Variants in GRM7 observed in about 807,000 individuals in gnomAD.
The protein encoded by GRM7 is metabotropic glutamate receptor 7.
In GRM7, 35 loss-of-function variants were observed where a neutral mutation model predicts 84.5. The observed-to-expected ratio is 0.41, with a 90% CI of 0.32 to 0.55. The LOEUF is 0.55. Ranked by LOEUF, GRM7 falls within the 20% of genes least tolerant of loss-of-function variation. The pLI is 0.19. For missense variants in GRM7, 1,003 were observed against 1,194.6 expected (o/e 0.84, Z 2.36); for synonymous variants, 487 against 455.1 (o/e 1.07, Z -0.89).
intron 9 of GRM7, among the ~76,000 whole-genome samples, chr3:7,738,997 T>C (rs1702601143): frequency 6.6e-6 from 1 of 152,210 alleles, no homozygotes; most frequent in African/African-American, 2.4e-5. Context: ...GGACATACGG[T>C]GACTCAGTTC....
chr3:7,089,667 T>A (rs1329367059), intron 1 of GRM7, among the ~76,000 whole-genome samples: 3 of 152,154 alleles, frequency 2.0e-5, no homozygotes, highest in Non-Finnish European at 4.4e-5. Flanking sequence ...AAAATGTTGT[T>A]CAAGAGTTTG....
At chr3:7,452,562 GT>G in intron 5 of GRM7, 44 bp from the exon 6 acceptor site, 1 of 612,922 alleles carries the variant, frequency 1.6e-6, no homozygotes, top group Non-Finnish European at 2.8e-6. Context: ...GCCAATTTGT[GT>G]GTGTGTGTGT....
At chr3:7,280,943 G>T (rs1320197620) in intron 2 of GRM7, among the ~76,000 whole-genome samples, 2 of 152,018 alleles carry the variant, frequency 1.3e-5, no homozygotes, top group African/African-American at 4.8e-5. Context: ...AAATGCATGT[G>T]TTTCTAGGGA....
intron 7 of GRM7, among the ~76,000 whole-genome samples, chr3:7,514,603 A>G (rs755632416): frequency 1.1e-4 from 17 of 152,330 alleles, no homozygotes; most frequent in Non-Finnish European, 2.1e-4. Context: ...TCCTGTTTCT[A>G]TCCACCACAG....
chr3:7,134,689 A>G (rs73811613), intron 1 of GRM7, among the ~76,000 whole-genome samples: 2 of 152,150 alleles, frequency 1.3e-5, no homozygotes, highest in African/African-American at 4.8e-5. Context: ...GCAGGAATTC[A>G]GGGATGAGAA....
At chr3:7,212,821 A>T (rs1319994011) in intron 2 of GRM7, among the ~76,000 whole-genome samples, 1 of 152,224 alleles carries the variant, frequency 6.6e-6, no homozygotes, top group Non-Finnish European at 1.5e-5. Flanking sequence ...ACAAATATTT[A>T]TCACATCCTC....
chr3:7,158,187 C>G (rs1215430917), intron 2 of GRM7, among the ~76,000 whole-genome samples: 1 of 152,148 alleles, frequency 6.6e-6, no homozygotes, highest in Non-Finnish European at 1.5e-5. Context: ...AATTGAAATG[C>G]AAACGTAGGT....
intron 5 of GRM7, among the ~76,000 whole-genome samples, chr3:7,439,988 G>C (rs796069875): frequency 2.6e-5 from 4 of 152,308 alleles, no homozygotes; most frequent in African/African-American, 9.6e-5. Context: ...CTGGGATAAA[G>C]TTGCATTGAG....
At chr3:7,431,762 C>T (rs1463352792) in intron 5 of GRM7, among the ~76,000 whole-genome samples, 1 of 152,112 alleles carries the variant, frequency 6.6e-6, no homozygotes, top group Non-Finnish European at 1.5e-5. Context: ...TGAATGTGAA[C>T]TGTTGTTCAC....
At chr3:7,371,184 C>T (rs1028944678) in intron 4 of GRM7, among the ~76,000 whole-genome samples, 1 of 151,964 alleles carries the variant, frequency 6.6e-6, no homozygotes, top group South Asian at 2.1e-4. Flanking sequence ...GATTGCAGAC[C>T]ACAATAGAGT....
At chr3:7,100,107 T>C (rs1699060475) in intron 1 of GRM7, among the ~76,000 whole-genome samples, 1 of 151,344 alleles carries the variant, frequency 6.6e-6, no homozygotes, top group Non-Finnish European at 1.5e-5. Context: ...ACTCACCTCT[T>C]AAATCTTCGA....
chr3:7,120,489 A>G (rs553681663), intron 1 of GRM7, among the ~76,000 whole-genome samples: 4 of 152,290 alleles, frequency 2.6e-5, no homozygotes, highest in South Asian at 2.1e-4. Context: ...GGTAGCTACA[A>G]AAACATTTTG....
Position 7,595,945 on chromosome 3 carries a change from C to G in GRM7, c.2451+16588C>G, listed in dbSNP as rs138380719. ...TTGGATGATTTTGAGCATGAGCTGA[C>G]TAAACATTTTAAAAAGACCACTCTG... On this transcript the variant is annotated intron_variant, in intron 8 of 9. Transcript: ENST00000357716. Among the ~76,000 whole-genome samples the G allele has an allele frequency of 3.1e-3, 479 of 152,208 alleles. 11 individuals are homozygous for G. The highest frequency in any genetic ancestry group is 0.027 in the Admixed American group (413 of 15,280).
rs73810618 is a variant in GRM7 at position 7,408,277 on chromosome 3, G to A, written c.1034-6746G>A. ...CAAGCAGTTTAAAGGGATAAAAAAT[G>A]ACAGGCACTCTGGTGTTATATAATA... On this transcript the variant is annotated intron_variant, in intron 4 of 9. Coordinates refer to ENST00000357716, the MANE Select transcript of GRM7 (RefSeq NM_000844.4). Among the ~76,000 whole-genome samples the A allele has an allele frequency of 7.4e-3, 1,128 of 152,240 alleles. 5 individuals carry two copies. The highest frequency in any genetic ancestry group is 0.023 in the South Asian group (111 of 4,826).
intron 2 of GRM7, among the ~76,000 whole-genome samples, chr3:7,207,132 G>T (rs1426140104): frequency 6.6e-6 from 1 of 151,976 alleles, no homozygotes; most frequent in Non-Finnish European, 1.5e-5. Context: ...ATGAAGGAAT[G>T]CATTCACTAC....
chr3:6,948,959 G>A (rs1207222018), intron 1 of GRM7, among the ~76,000 whole-genome samples: 1 of 152,194 alleles, frequency 6.6e-6, no homozygotes, highest in Non-Finnish European at 1.5e-5. Flanking sequence ...CTCTGCATGT[G>A]AGATGGGTTT....
At chr3:7,342,816 C>A (rs779782223) in intron 4 of GRM7, among the ~76,000 whole-genome samples, 2 of 152,034 alleles carry the variant, frequency 1.3e-5, no homozygotes, top group Non-Finnish European at 2.9e-5. Context: ...GAATCAAGAT[C>A]CAGGCAGCCT....
chr3:7,577,744 C>A (rs3804907), intron 7 of GRM7, among the ~76,000 whole-genome samples: 34,367 of 152,038 alleles, frequency 0.23, 4,787 homozygotes, highest in Non-Finnish European at 0.29. Flanking sequence ...CAAATACTTC[C>A]TGAATTCATA....
intron 2 of GRM7, among the ~76,000 whole-genome samples, chr3:7,192,630 T>C (rs1405703450): frequency 1.3e-5 from 2 of 152,138 alleles, no homozygotes; most frequent in Non-Finnish European, 2.9e-5. Flanking sequence ...CTTCCTTCAG[T>C]TCCGATTTGT....
Sources: gnomAD v4.1 joint callset for allele counts (sites outside exome capture counted in the v4.1 genomes callset) on GRCh38, gnomAD v4.1.1 for gene constraint, MANE v1.5 for transcripts, NCBI Gene and HGNC (gene_info 2026-07-23, HGNC 2026-07-21) for gene names.